Variants in PTPRO observed in about 807,000 individuals in gnomAD.
PTPRO encodes receptor-type tyrosine-protein phosphatase O.
Under a neutral mutation model 145.2 loss-of-function variants are expected in PTPRO, and 62 were observed. The ratio of observed to expected loss-of-function variants is 0.43; its 90% CI spans 0.35 to 0.53. The LOEUF is 0.53. Ranked by LOEUF, PTPRO falls within the 20% of genes least tolerant of loss-of-function variation. The pLI, the probability that PTPRO is intolerant of heterozygous loss-of-function variation, is 0.01. For missense variants in PTPRO, 1,345 were observed against 1,482.7 expected (o/e 0.91, Z 1.53); for synonymous variants, 565 against 514.7 (o/e 1.10, Z -1.32).
chr12:15,403,246 A>G (rs1162974101), intron 1 of PTPRO, among the ~76,000 whole-genome samples: 4 of 151,870 alleles, frequency 2.6e-5, no homozygotes, highest in Non-Finnish European at 4.4e-5. Context: ...TTCTTTTTCT[A>G]CTGGTGTGTC....
chr12:15,522,738 A>T lies in PTPRO; in HGVS notation c.1892-2076A>T, dbSNP rs148654771. On this transcript the variant is annotated intron_variant, in intron 10 of 26. Transcript: ENST00000281171. ...TGGCTAGCCCTCAATCATAGTAATT[A>T]TGCGGAGGGGCCAAAGTATTAATAA... 5.7e-3 allele frequency among the ~76,000 whole-genome samples: 872 copies of T among 152,314 alleles called. 10 individuals are homozygous for T. Among genetic ancestry groups the T allele is most frequent in the African/African-American group, 0.02 (839 of 41,582 alleles).
chr12:15,392,548 C>T (rs995861806), intron 1 of PTPRO, among the ~76,000 whole-genome samples: 1 of 151,784 alleles, frequency 6.6e-6, no homozygotes, highest in African/African-American at 2.4e-5. Flanking sequence ...TGGTGAAACT[C>T]CATCTCTACT....
intron 12 of PTPRO, among the ~76,000 whole-genome samples, chr12:15,536,699 G>A (rs780563161): frequency 6.6e-6 from 1 of 152,168 alleles, no homozygotes; most frequent in Non-Finnish European, 1.5e-5. Flanking sequence ...AGCCAATTAG[G>A]TAATATGACC....
At chr12:15,439,693 G>A (rs541673427) in intron 1 of PTPRO, 11 of 466,526 alleles carry the variant, frequency 2.4e-5, no homozygotes, top group African/African-American at 1.6e-4. Flanking sequence ...GCAAGGCCGA[G>A]GATGAGTGGA....
chr12:15,483,835 A>G, intron 1 of PTPRO, 139 bp from the exon 2 acceptor site: 1 of 879,316 alleles, frequency 1.1e-6, no homozygotes, highest in South Asian at 1.7e-5. Flanking sequence ...ATGTAACTCT[A>G]TTTTAAGAAA....
rs116328655 is a variant in PTPRO, at chr12:15,561,588, A to G, written c.2711+1312A>G. Among the ~76,000 whole-genome samples, 340 of 152,220 alleles carry G rather than the reference A, an allele frequency of 2.2e-3. 1 individual carries two copies. The highest frequency in any genetic ancestry group is 0.01 in the Middle Eastern group (3 of 294). On this transcript the variant is annotated intron_variant, in intron 17 of 26. Transcript: ENST00000281171. ...TAAGTTCATTGTTACAGTTTTTAGT[A>G]TAGGGCTTCAGCACAGTCAACTCCG...
intron 1 of PTPRO, among the ~76,000 whole-genome samples, chr12:15,362,156 C>T (rs973926519): frequency 6.6e-6 from 1 of 152,202 alleles, no homozygotes; most frequent in African/African-American, 2.4e-5. Context: ...GTTGCCATTG[C>T]TGAAGCACAT....
chr12:15,434,826 T>A (rs1476532348), intron 1 of PTPRO, among the ~76,000 whole-genome samples: 2 of 152,192 alleles, frequency 1.3e-5, no homozygotes, highest in Non-Finnish European at 2.9e-5. Flanking sequence ...AAAGAAAATG[T>A]GGAACAACCT....
At chr12:15,508,220 G>C (rs531006703) in intron 6 of PTPRO, among the ~76,000 whole-genome samples, 11 of 152,256 alleles carry the variant, frequency 7.2e-5, no homozygotes, top group African/African-American at 2.6e-4. Context: ...AGTAGCAAAG[G>C]AATAATAAGC....
rs1944668451 is a variant in PTPRO at position 15,596,819 on chromosome 12, G to C, written c.*746G>C. The C allele has an allele frequency of 6.6e-6, 1 of 151,716 alleles. No individual in the cohort carries two copies. Among genetic ancestry groups the C allele is most frequent in the African/African-American group, 2.5e-5 (1 of 40,644 alleles). The allele number at this position is 151,716 out of a possible 1,614,324, so 9.4% of individuals were successfully genotyped here. On this transcript the variant is annotated 3_prime_UTR_variant, in exon 27 of 27. Transcript: ENST00000281171. ...TTGGTGTTTCTTCCTTGGCCCTTTT[G>C]GACTAATGTTACTGTCCAAGTTCTT...
chr12:15,572,622 A>C (rs1318437364), intron 19 of PTPRO, among the ~76,000 whole-genome samples: 1 of 148,836 alleles, frequency 6.7e-6, no homozygotes, highest in African/African-American at 2.4e-5. Context: ...GAAGGGCTGA[A>C]AATGAAATAC....
chr12:15,478,619 A>G (rs1941709922), intron 1 of PTPRO, among the ~76,000 whole-genome samples: 1 of 152,206 alleles, frequency 6.6e-6, no homozygotes, highest in East Asian at 1.9e-4. Context: ...AAGGGCCAAC[A>G]GGCACAGGTC....
intron 1 of PTPRO, among the ~76,000 whole-genome samples, chr12:15,459,467 C>A (rs1941254116): frequency 6.6e-6 from 1 of 152,184 alleles, no homozygotes. Flanking sequence ...CTGGGGGTTT[C>A]CTCCCAAGCA....
chr12:15,415,230 C>A (rs191035839), intron 1 of PTPRO, among the ~76,000 whole-genome samples: 10 of 152,164 alleles, frequency 6.6e-5, no homozygotes, highest in East Asian at 5.8e-4. Flanking sequence ...CTACCTCCCC[C>A]CCAAAAAAAG....
At chr12:15,552,680 A>G (rs1943496684) in intron 15 of PTPRO, among the ~76,000 whole-genome samples, 1 of 152,186 alleles carries the variant, frequency 6.6e-6, no homozygotes. Flanking sequence ...TCTGAATGTG[A>G]AAATAAGCTT....
At chr12:15,468,929 T>C (rs566881901) in intron 1 of PTPRO, among the ~76,000 whole-genome samples, 10 of 152,320 alleles carry the variant, frequency 6.6e-5, no homozygotes, top group African/African-American at 2.4e-4. Context: ...ACTATTTGCT[T>C]TAAAGTTCTG....
chr12:15,491,518 G>A (rs970236857), intron 2 of PTPRO, among the ~76,000 whole-genome samples: 1 of 152,016 alleles, frequency 6.6e-6, no homozygotes, highest in South Asian at 2.1e-4. Context: ...TAATTAAGGG[G>A]CATAAAATAT....
intron 1 of PTPRO, among the ~76,000 whole-genome samples, chr12:15,326,678 T>C (rs961512577): frequency 6.6e-6 from 1 of 152,130 alleles, no homozygotes; most frequent in African/African-American, 2.4e-5. Flanking sequence ...ACTTGAGGGG[T>C]TGTAAAAGAA....
At chr12:15,522,434 G>A (rs900294863) in intron 10 of PTPRO, among the ~76,000 whole-genome samples, 5 of 150,540 alleles carry the variant, frequency 3.3e-5, no homozygotes, top group Admixed American at 2.7e-4. Flanking sequence ...CCCCCCGACA[G>A]TTCTCATGTG....
Sources: allele counts gnomAD v4.1 joint callset (sites outside exome capture counted in the v4.1 genomes callset), GRCh38; gene constraint gnomAD v4.1.1; transcripts MANE v1.5; gene names NCBI Gene and HGNC (gene_info 2026-07-23, HGNC 2026-07-21).